Variants in LTBP1 observed in about 807,000 individuals in gnomAD.
The protein encoded by LTBP1 is latent-transforming growth factor beta-binding protein 1.
A neutral mutation model predicts 207.6 loss-of-function variants in LTBP1; 129 were observed. The ratio of observed to expected loss-of-function variants is 0.62; its 90% CI spans 0.54 to 0.72. LTBP1 has a LOEUF of 0.72. Among genes scored for constraint, LTBP1 ranks in the 30% least tolerant of loss-of-function variants. The pLI is 0.00. For missense variants in LTBP1, 2,281 were observed against 2,217.2 expected, an observed-to-expected ratio of 1.03 and a Z score of -0.58; for synonymous variants, 963 against 833.7, an observed-to-expected ratio of 1.16 and a Z score of -2.67.
At chr2:33,363,880 C>T (rs2150078317) in intron 29 of LTBP1, among the ~76,000 whole-genome samples, 1 of 152,224 alleles carries the variant, frequency 6.6e-6, no homozygotes, top group Non-Finnish European at 1.5e-5. Flanking sequence ...AAGCAGAAAA[C>T]CATATACACT....
intron 5 of LTBP1, among the ~76,000 whole-genome samples, chr2:33,176,518 C>A (rs1393025544): frequency 6.7e-6 from 1 of 149,792 alleles, no homozygotes; most frequent in African/African-American, 2.5e-5. Flanking sequence ...AGCCACCATG[C>A]CTGGCTGACA....
intron 31 of LTBP1, among the ~76,000 whole-genome samples, chr2:33,369,664 T>C (rs901753636): frequency 3.9e-5 from 6 of 152,036 alleles, no homozygotes; most frequent in Non-Finnish European, 8.8e-5. Context: ...TTCAAGAGAT[T>C]CTCCCACCTA....
chr2:33,064,480 T>C (rs1000469924), intron 3 of LTBP1, among the ~76,000 whole-genome samples: 3 of 152,122 alleles, frequency 2.0e-5, no homozygotes, highest in Admixed American at 1.3e-4. Flanking sequence ...TCAGATTGGG[T>C]CTCCACACTC....
intron 5 of LTBP1, among the ~76,000 whole-genome samples, chr2:33,135,666 C>T (rs2082088274): frequency 6.6e-6 from 1 of 152,114 alleles, no homozygotes; most frequent in African/African-American, 2.4e-5. Context: ...TGCAAGAAAG[C>T]CTTGTTGGTT....
chr2:33,029,202 C>T (rs978878793), intron 3 of LTBP1, among the ~76,000 whole-genome samples: 11 of 152,146 alleles, frequency 7.2e-5, no homozygotes, highest in African/African-American at 2.4e-4. Flanking sequence ...TTTGTCCGGG[C>T]GTGATGGCTC....
chr2:33,228,696 C>A (rs7581258), intron 9 of LTBP1, among the ~76,000 whole-genome samples: 1 of 117,732 alleles, frequency 8.5e-6, no homozygotes, highest in Non-Finnish European at 1.7e-5. Context: ...AGGGTTATAC[C>A]CTTTTTTTTT....
chr2:33,166,918 C>T (rs2084969557), intron 5 of LTBP1, among the ~76,000 whole-genome samples: 1 of 152,128 alleles, frequency 6.6e-6, no homozygotes, highest in Non-Finnish European at 1.5e-5. Flanking sequence ...TCCAAAATTA[C>T]CTCCATGTAA....
intron 3 of LTBP1, among the ~76,000 whole-genome samples, chr2:33,087,493 A>G (rs2078832841): frequency 6.6e-6 from 1 of 152,176 alleles, no homozygotes; most frequent in Admixed American, 6.5e-5. Context: ...CTACTTTAAG[A>G]TGAGAGAATT....
intron 15 of LTBP1, among the ~76,000 whole-genome samples, chr2:33,270,327 C>G (rs1408177048): frequency 6.6e-6 from 1 of 152,092 alleles, no homozygotes; most frequent in Non-Finnish European, 1.5e-5. Flanking sequence ...CCTTGGCTCA[C>G]GCCTGTAATC....
chr2:33,222,367 TA>T (rs1354381953), intron 9 of LTBP1, among the ~76,000 whole-genome samples: 1 of 152,258 alleles, frequency 6.6e-6, no homozygotes. Context: ...GTTTTTAATC[TA>T]AAAGAGTTTG....
chr2:32,948,628 C>T (rs1002285825), intron 1 of LTBP1, among the ~76,000 whole-genome samples: 1 of 152,176 alleles, frequency 6.6e-6, no homozygotes, highest in Non-Finnish European at 1.5e-5. Flanking sequence ...GCCCTGTTCT[C>T]CCTTCCTGTA....
chr2:33,326,806 G>A (rs1048191841), intron 24 of LTBP1, among the ~76,000 whole-genome samples: 6 of 151,990 alleles, frequency 3.9e-5, no homozygotes, highest in South Asian at 2.1e-4. Flanking sequence ...TTACAGGCAC[G>A]TGCCACCACA....
At chr2:33,303,774 G>A (rs956940034) in intron 22 of LTBP1, among the ~76,000 whole-genome samples, 2 of 152,178 alleles carry the variant, frequency 1.3e-5, no homozygotes, top group Non-Finnish European at 2.9e-5. Flanking sequence ...TGGAGCTCAG[G>A]CGGTAATGCT....
chr2:33,161,621 A>G (rs1023274690), intron 5 of LTBP1, among the ~76,000 whole-genome samples: 2 of 152,224 alleles, frequency 1.3e-5, no homozygotes, highest in Admixed American at 6.5e-5. Context: ...ACAAATGAGC[A>G]CATGAAAGAA....
chr2:33,133,584 T>C (rs1260238392), intron 4 of LTBP1, among the ~76,000 whole-genome samples: 11 of 152,108 alleles, frequency 7.2e-5, no homozygotes, highest in Admixed American at 7.2e-4. Context: ...GATCCAGCAG[T>C]GAAGGGCAGG....
chr2:33,240,036 G>C (rs2092245895), intron 9 of LTBP1, among the ~76,000 whole-genome samples: 1 of 152,108 alleles, frequency 6.6e-6, no homozygotes, highest in African/African-American at 2.4e-5. Context: ...GGTTTTATTT[G>C]ATTAAAGAAA....
Position 33,366,349 on chromosome 2 carries a change from A to G in LTBP1, c.4711+846A>G, listed in dbSNP as rs368777436. ...TGAATATATTCTCAGAATGGTCGAGAGGGGAAAAATTGCTTGAAAAGAGGA... is the reference window on the plus strand; with the variant it reads ...TGAATATATTCTCAGAATGGTCGAGGGGGGAAAAATTGCTTGAAAAGAGGA... On this transcript the variant is annotated intron_variant, in intron 31 of 33. Coordinates refer to ENST00000404816, the MANE Select transcript of LTBP1 (RefSeq NM_206943.4). 1.1e-4 allele frequency among the ~76,000 whole-genome samples: 16 copies of G among 152,356 alleles called. No individual in the cohort carries two copies. In the East Asian group the frequency reaches 2.9e-3, roughly 28 times the overall value.
chr2:33,170,266 C>A (rs1453438063), intron 5 of LTBP1, among the ~76,000 whole-genome samples: 1 of 152,212 alleles, frequency 6.6e-6, no homozygotes, highest in African/African-American at 2.4e-5. Flanking sequence ...AAAGGGGTGA[C>A]AGACGGCACC....
chr2:32,962,751 C>T (rs1313825877), intron 2 of LTBP1, among the ~76,000 whole-genome samples: 2 of 152,238 alleles, frequency 1.3e-5, no homozygotes, highest in Non-Finnish European at 2.9e-5. Context: ...TGAATGGCAC[C>T]TCACAGACAC....
Sources: allele counts gnomAD v4.1 joint callset (sites outside exome capture counted in the v4.1 genomes callset), GRCh38; gene constraint gnomAD v4.1.1; transcripts MANE v1.5; gene names NCBI Gene and HGNC (gene_info 2026-07-23, HGNC 2026-07-21).